The following SEMA3D variants were observed in gnomAD, a reference collection of about 807,000 sequenced individuals.
The protein encoded by SEMA3D is semaphorin 3D, also known as semaphorin-3D.
SEMA3D carries 84 observed loss-of-function variants against 100.1 expected under a neutral mutation model. The ratio of observed to expected loss-of-function variants is 0.84; its 90% CI spans 0.70 to 1.01. SEMA3D has a LOEUF of 1.01. Ranked by LOEUF, SEMA3D falls within the 50% of genes least tolerant of loss-of-function variation. The pLI, the probability that SEMA3D is intolerant of heterozygous loss-of-function variation, is 0.00. For missense variants in SEMA3D, 875 were observed against 934.1 expected (o/e 0.94, Z 0.82); for synonymous variants, 312 against 320.7 (o/e 0.97, Z 0.29).
chr7:85,053,248 G>A (rs1459576994), intron 9 of SEMA3D, among the ~76,000 whole-genome samples: 1 of 151,906 alleles, frequency 6.6e-6, no homozygotes, highest in Non-Finnish European at 1.5e-5. Flanking sequence ...AGCATACACA[G>A]TTTACTCTTA....
intron 12 of SEMA3D, chr7:85,029,556 G>T: frequency 1.8e-6 from 1 of 547,416 alleles, no homozygotes; most frequent in Non-Finnish European, 3.4e-6. Context: ...AAGAGCTGGA[G>T]AAGTCTTCAA....
intron 2 of SEMA3D, chr7:85,140,984 A>G: frequency 1.6e-6 from 1 of 637,376 alleles, no homozygotes; most frequent in Non-Finnish European, 2.0e-6. Context: ...GTATTTTACA[A>G]CAATGAGATT....
chr7:85,205,274 A>T, the SEMA3D span, among the ~76,000 whole-genome samples: 38 of 152,276 alleles, frequency 2.5e-4, no homozygotes, highest in African/African-American at 8.7e-4. Context: ...GTAGTTAATA[A>T]GAATACATTT....
chr7:85,098,198 A>G (rs1788629140), intron 3 of SEMA3D, among the ~76,000 whole-genome samples: 1 of 151,812 alleles, frequency 6.6e-6, no homozygotes, highest in South Asian at 2.1e-4. Context: ...ATACAGCATA[A>G]AAGGGCCAAT....
the SEMA3D span, among the ~76,000 whole-genome samples, chr7:85,240,917 T>A: frequency 6.6e-6 from 1 of 152,096 alleles, no homozygotes; most frequent in Non-Finnish European, 1.5e-5. Context: ...AATCTATTCA[T>A]CTGACAAAGG....
At chr7:85,090,930 C>G (rs571712270) in intron 4 of SEMA3D, among the ~76,000 whole-genome samples, 6 of 151,314 alleles carry the variant, frequency 4.0e-5, no homozygotes, top group African/African-American at 1.5e-4. Flanking sequence ...AATATAAATG[C>G]TCAAACATAA....
At chr7:85,057,484 G>A (rs1295880380) in intron 8 of SEMA3D, among the ~76,000 whole-genome samples, 2 of 152,290 alleles carry the variant, frequency 1.3e-5, no homozygotes, top group Non-Finnish European at 1.5e-5. Context: ...ATAAATTGGC[G>A]GGAGGTGAAA....
At chr7:85,040,867 T>G (rs545974987) in intron 10 of SEMA3D, 125 bp from the exon 11 acceptor site, 29 of 569,414 alleles carry the variant, frequency 5.1e-5, no homozygotes, top group African/African-American at 5.0e-4. Flanking sequence ...CACTATATTA[T>G]GCCTTGAGAA....
At chr7:85,111,003 C>G (rs1789077664) in intron 3 of SEMA3D, among the ~76,000 whole-genome samples, 1 of 152,030 alleles carries the variant, frequency 6.6e-6, no homozygotes, top group East Asian at 1.9e-4. Context: ...TATTAGCTGA[C>G]TTTGACACCA....
At chr7:85,216,251 T>C in the SEMA3D span, among the ~76,000 whole-genome samples, 1 of 152,020 alleles carries the variant, frequency 6.6e-6, no homozygotes, top group African/African-American at 2.4e-5. Context: ...CAGCCAAATA[T>C]TTAACTCTAA....
chr7:85,090,960 T>G (rs1436576061), intron 4 of SEMA3D, among the ~76,000 whole-genome samples: 2 of 151,670 alleles, frequency 1.3e-5, no homozygotes, highest in East Asian at 3.9e-4. Flanking sequence ...ATTATGGATT[T>G]CAAGTAATCT....
intron 1 of SEMA3D, among the ~76,000 whole-genome samples, chr7:85,154,954 A>T (rs557239423): frequency 2.9e-4 from 44 of 152,296 alleles, no homozygotes; most frequent in African/African-American, 1.0e-3. Flanking sequence ...GTCTTTCTAT[A>T]TATAAAGAAT....
At chr7:85,005,027 G>GT (rs143635845) in intron 18 of SEMA3D, among the ~76,000 whole-genome samples, 4,038 of 151,916 alleles carry the variant, frequency 0.027, 195 homozygotes, top group African/African-American at 0.092. Context: ...ACAGGCAAAT[G>GT]TAAGTATCTA....
intron 2 of SEMA3D, among the ~76,000 whole-genome samples, chr7:85,122,720 C>T (rs1351001744): frequency 6.6e-6 from 1 of 152,042 alleles, no homozygotes; most frequent in African/African-American, 2.4e-5. Flanking sequence ...TAGGTCAGGG[C>T]CCCAGTATAG....
rs555408874 is a variant in SEMA3D at position 85,170,297 on chromosome 7, A to G, written c.-173+16381T>C. On this transcript the variant is annotated intron_variant, in intron 1 of 18. Transcript: ENST00000284136. ...GTATCTCATTATTTTAGTAGTCTGAAACAGTCATCTTCCTTTAGCAGGAAA... is the reference window on the plus strand; with the variant it reads ...GTATCTCATTATTTTAGTAGTCTGAGACAGTCATCTTCCTTTAGCAGGAAA... Among the ~76,000 whole-genome samples the G allele has an allele frequency of 8.6e-5, 13 of 152,016 alleles. No homozygotes were observed. The South Asian group carries it at 2.3e-3, about 27-fold the overall frequency.
chr7:85,140,932 A>T, intron 2 of SEMA3D: 2 of 609,908 alleles, frequency 3.3e-6, no homozygotes, highest in Non-Finnish European at 4.1e-6. Context: ...CACTGTTAAA[A>T]TCTTCTTTAT....
At chr7:85,017,782 A>G (rs1790145320) in intron 15 of SEMA3D, among the ~76,000 whole-genome samples, 1 of 151,780 alleles carries the variant, frequency 6.6e-6, no homozygotes, top group South Asian at 2.1e-4. Flanking sequence ...AACTCCCAAC[A>G]AACTCTGGAG....
chr7:85,195,278 T>C, the SEMA3D span, among the ~76,000 whole-genome samples: 3 of 152,168 alleles, frequency 2.0e-5, no homozygotes, highest in Non-Finnish European at 4.4e-5. Flanking sequence ...GTACCTTGCT[T>C]CTGGGCCTCT....
In SEMA3D at chr7:84,999,575, C is replaced by A. The variant is rs773617731; in HGVS notation, c.2199G>T (p.Gln733His). 10 of 1,614,116 alleles carry A rather than the reference C, an allele frequency of 6.2e-6. No individual in the cohort carries two copies. Among genetic ancestry groups the A allele is most frequent in the Middle Eastern group, 1.6e-4 (1 of 6,062 alleles). ...PNFSLDQYCE[Q>H]MWHREKRRQR... ...GTCTCCGCTTCTCCCTGTGCCACAT[C>A]TGTTCGCAGTACTGGTCGAGGCTGA... Residue 733 changes from glutamine (Q) to histidine (H), a missense_variant, in exon 19 of 19, where the codon CAG becomes CAT. By Grantham distance (24) the Gln-to-His change is conservative (BLOSUM62 0). Transcript: ENST00000284136.
Sources: allele counts gnomAD v4.1 joint callset (sites outside exome capture counted in the v4.1 genomes callset), GRCh38; gene constraint gnomAD v4.1.1; transcripts MANE v1.5; gene names NCBI Gene and HGNC (gene_info 2026-07-23, HGNC 2026-07-21).